PTPRK: variants seen among roughly 807,000 people sequenced by gnomAD.
PTPRK encodes protein tyrosine phosphatase receptor type K.
Under a neutral mutation model 178.0 loss-of-function variants are expected in PTPRK, and 75 were observed. That is an observed-to-expected ratio of 0.42 (90% CI 0.35 to 0.51). The LOEUF (loss-of-function observed/expected upper bound fraction) is 0.51. Among genes scored for constraint, PTPRK ranks in the 20% least tolerant of loss-of-function variants. The pLI, the probability that PTPRK is intolerant of heterozygous loss-of-function variation, is 0.02. For synonymous variants in PTPRK, 637 were observed against 620.6 expected (o/e 1.03, Z -0.39); for missense variants, 1,441 against 1,797.8 (o/e 0.80, Z 3.59).
At chr6:127,983,587 A>T (rs1288139711) in intron 22 of PTPRK, among the ~76,000 whole-genome samples, 1 of 152,214 alleles carries the variant, frequency 6.6e-6, no homozygotes, top group African/African-American at 2.4e-5. Flanking sequence ...GATTGGAACA[A>T]GAGTTCTAAA....
chr6:128,434,231 T>A (rs1014120544), intron 1 of PTPRK, among the ~76,000 whole-genome samples: 1 of 152,150 alleles, frequency 6.6e-6, no homozygotes, highest in Non-Finnish European at 1.5e-5. Flanking sequence ...GGCAGGTAGA[T>A]ATACAAATAA....
chr6:128,214,131 G>C (rs1250244399), intron 6 of PTPRK, among the ~76,000 whole-genome samples: 1 of 152,156 alleles, frequency 6.6e-6, no homozygotes, highest in African/African-American at 2.4e-5. Context: ...AGATGAACAA[G>C]ACAGGCTCTG....
intron 7 of PTPRK, among the ~76,000 whole-genome samples, chr6:128,173,022 A>C (rs1800532211): frequency 2.0e-5 from 3 of 151,974 alleles, no homozygotes; most frequent in Non-Finnish European, 4.4e-5. Flanking sequence ...AGAGAGCAAT[A>C]AAGGGACGAA....
rs1348176832 is a variant in PTPRK, at chr6:127,973,666, G to A, written c.4131C>T (p.Cys1377=). ...ACAGGCTGAGCTGCCCTACTCACAG[G>A]CAGTGGATAATCGTCCGGCCTTCCC... is the stretch of plus-strand genomic sequence containing the variant. ...EEGEGRTIIH[C]LNGGGRSGMF... Residue 1377 remains cysteine (C), a splice_region_variant and synonymous_variant, in exon 28 of 30, where the codon TGC becomes TGT. Transcript: ENST00000368226. 3.1e-6 allele frequency: 5 copies of A among 1,613,364 alleles called. No homozygotes were observed. The highest frequency in any genetic ancestry group is 4.2e-6 in the Non-Finnish European group (5 of 1,179,834).
chr6:127,974,460 G>A (rs1197343391), intron 27 of PTPRK, among the ~76,000 whole-genome samples: 1 of 151,996 alleles, frequency 6.6e-6, no homozygotes, highest in Non-Finnish European at 1.5e-5. Context: ...TTCCTTGCTT[G>A]GTCTTCTCAA....
At chr6:128,274,192 G>A (rs1820365135) in intron 3 of PTPRK, among the ~76,000 whole-genome samples, 1 of 151,988 alleles carries the variant, frequency 6.6e-6, no homozygotes, top group Non-Finnish European at 1.5e-5. Flanking sequence ...AGAAACAATA[G>A]GTTTTAAAAT....
In PTPRK at chr6:128,411,812, C is replaced by A. The variant is rs978684792; in HGVS notation, c.101-14124G>T. Among the ~76,000 whole-genome samples, 5 of 152,224 alleles carry A rather than the reference C, an allele frequency of 3.3e-5. No homozygotes were observed. The East Asian group carries it at 9.6e-4, about 29-fold the overall frequency. On this transcript the variant is annotated intron_variant, in intron 1 of 29. Transcript: ENST00000368226. Reference sequence around the variant, plus strand: ...AAAAGATCACATATATTCCCAAAAACCAGAAGTAGTAAGTGCTAATATTTT... The same window carrying A: ...AAAAGATCACATATATTCCCAAAAAACAGAAGTAGTAAGTGCTAATATTTT...
chr6:128,298,878 G>T (rs1191274550), intron 3 of PTPRK, among the ~76,000 whole-genome samples: 1 of 152,084 alleles, frequency 6.6e-6, no homozygotes, highest in Non-Finnish European at 1.5e-5. Context: ...AGGGCAATTA[G>T]GCAGGAGAAG....
chr6:128,333,605 G>A (rs954412920), intron 2 of PTPRK, among the ~76,000 whole-genome samples: 2 of 152,080 alleles, frequency 1.3e-5, no homozygotes, highest in African/African-American at 4.8e-5. Context: ...GCTAGTAGAG[G>A]GTCTTGCCTC....
At chr6:128,433,699 T>C (rs368473594) in intron 1 of PTPRK, among the ~76,000 whole-genome samples, 3 of 151,958 alleles carry the variant, frequency 2.0e-5, no homozygotes, top group East Asian at 1.9e-4. Context: ...GTATTTTTGA[T>C]AGAGACAGGG....
intron 2 of PTPRK, among the ~76,000 whole-genome samples, chr6:128,369,874 G>GAA (rs1017403482): frequency 5.3e-4 from 81 of 152,114 alleles, no homozygotes; most frequent in African/African-American, 1.9e-3. Context: ...GTAGCAAACA[G>GAA]AAGTTCCTTT....
At chr6:128,294,232 A>G (rs1203775365) in intron 3 of PTPRK, among the ~76,000 whole-genome samples, 1 of 152,112 alleles carries the variant, frequency 6.6e-6, no homozygotes, top group African/African-American at 2.4e-5. Context: ...TGTGCCTTCT[A>G]TGAGCAGATT....
intron 1 of PTPRK, among the ~76,000 whole-genome samples, chr6:128,496,427 T>C (rs534762122): frequency 6.6e-6 from 1 of 152,346 alleles, no homozygotes; most frequent in Non-Finnish European, 1.5e-5. Context: ...TGTCATATAC[T>C]TTGTAACCCT....
At chr6:128,161,164 G>T (rs548917584) in intron 7 of PTPRK, among the ~76,000 whole-genome samples, 4 of 151,658 alleles carry the variant, frequency 2.6e-5, no homozygotes, top group African/African-American at 9.7e-5. Context: ...CTTATATTTT[G>T]AAACAATTTG....
At chr6:128,029,656 T>C (rs949518827) in intron 13 of PTPRK, among the ~76,000 whole-genome samples, 8 of 145,916 alleles carry the variant, frequency 5.5e-5, no homozygotes, top group African/African-American at 2.0e-4. Context: ...ATAATAATAA[T>C]AATAATAATA....
chr6:128,352,523 T>A (rs1338372698), intron 2 of PTPRK, among the ~76,000 whole-genome samples: 1 of 152,166 alleles, frequency 6.6e-6, no homozygotes, highest in African/African-American at 2.4e-5. Flanking sequence ...CCCTCCTATC[T>A]TCAAAGCTTA....
intron 2 of PTPRK, among the ~76,000 whole-genome samples, chr6:128,395,750 A>T (rs991666212): frequency 2.6e-5 from 4 of 152,198 alleles, no homozygotes; most frequent in Non-Finnish European, 4.4e-5. Flanking sequence ...GTAGGGGTCA[A>T]ATATAAGAAA....
At chr6:128,373,182 T>C (rs561465648) in intron 2 of PTPRK, among the ~76,000 whole-genome samples, 2 of 152,318 alleles carry the variant, frequency 1.3e-5, no homozygotes, top group East Asian at 1.9e-4. Flanking sequence ...AATTTTTCTA[T>C]ATACTATTTA....
At chr6:128,109,753 C>G (rs1018516995) in intron 7 of PTPRK, among the ~76,000 whole-genome samples, 1 of 152,134 alleles carries the variant, frequency 6.6e-6, no homozygotes, top group Non-Finnish European at 1.5e-5. Flanking sequence ...CCAGTAACCT[C>G]TGTAGTAAAG....
Sources: allele counts gnomAD v4.1 joint callset (sites outside exome capture counted in the v4.1 genomes callset), GRCh38; gene constraint gnomAD v4.1.1; transcripts MANE v1.5; gene names NCBI Gene and HGNC (gene_info 2026-07-23, HGNC 2026-07-21).